The following TOP1 variants were observed in gnomAD, a reference collection of about 807,000 sequenced individuals.
TOP1 encodes DNA topoisomerase 1.
Under a neutral mutation model 111.1 loss-of-function variants are expected in TOP1, and 10 were observed. The observed-to-expected ratio is 0.09, with a 90% CI of 0.06 to 0.15. The LOEUF is 0.15. Among genes scored for constraint, TOP1 ranks in the 10% least tolerant of loss-of-function variants. The probability of loss-of-function intolerance (pLI) is 1.00; values close to 1 mark genes in which losing one functional copy is unlikely to be tolerated. For missense variants in TOP1, 474 were observed against 926.7 expected (o/e 0.51, Z 6.34); for synonymous variants, 271 against 302.9 (o/e 0.89, Z 1.10).
At chr20:41,117,705 G>A (rs377315814) in intron 17 of TOP1, among the ~76,000 whole-genome samples, 4 of 152,102 alleles carry the variant, frequency 2.6e-5, no homozygotes, top group African/African-American at 7.2e-5. Flanking sequence ...AACTTTTAAC[G>A]TCCCTTCAAT....
intron 11 of TOP1, among the ~76,000 whole-genome samples, chr20:41,099,213 T>A (rs1386969881): frequency 6.6e-6 from 1 of 152,252 alleles, no homozygotes; most frequent in Non-Finnish European, 1.5e-5. Flanking sequence ...TAAAAATTAA[T>A]GCATTACTAT....
chr20:41,121,698 T>C lies in TOP1; in HGVS notation c.1953T>C (p.Ile651=). The change falls in exon 19 of 21, where the codon ATT becomes ATC. Residue 651 remains isoleucine, a splice_region_variant and synonymous_variant. Transcript: ENST00000361337. The surrounding 1 kb of genome is among the most constrained non-coding windows in gnomAD (Gnocchi z 4.2). Reference sequence around the variant, plus strand: ...CTTACCACTATTATTTCCCCTAGATTGATGCCAAGAAGGAACAGCTAGCAG... The same window carrying C: ...CTTACCACTATTATTTCCCCTAGATCGATGCCAAGAAGGAACAGCTAGCAG... The part of the protein sequence containing the change: ...EKSMMNLQTK[I]DAKKEQLADA... 1 of 1,613,772 alleles carries C rather than the reference T, an allele frequency of 6.2e-7. No homozygotes were observed. The highest frequency in any genetic ancestry group is 8.5e-7 in the Non-Finnish European group (1 of 1,179,684).
Position 41,116,237 on chromosome 20 carries a change from A to T in TOP1, c.1708-41A>T. ...CCTAGGGCTGCCAGAAGGAGCAGGTAGTATAGCTTTGACCTAAATCTGTTG... is the reference window on the plus strand; with the variant it reads ...CCTAGGGCTGCCAGAAGGAGCAGGTTGTATAGCTTTGACCTAAATCTGTTG... On this transcript the variant is annotated intron_variant, in intron 16 of 20. Coordinates refer to ENST00000361337, the MANE Select transcript of TOP1 (RefSeq NM_003286.4). The surrounding 1 kb of genome is among the most constrained non-coding windows in gnomAD (Gnocchi z 5.6). 7.5e-7 allele frequency: 1 copy of T among 1,331,226 alleles called. No individual in the cohort carries two copies. Among genetic ancestry groups the T allele is most frequent in the Non-Finnish European group, 1.1e-6 (1 of 925,074 alleles). 82.5% of individuals were successfully genotyped at this position (1,331,226 alleles called of 1,614,324 possible). A position where few individuals can be genotyped will look rare whatever the true frequency, so the allele number is the denominator to read the frequency against.
At chr20:41,111,331 T>G (rs971654593) in intron 13 of TOP1, among the ~76,000 whole-genome samples, 1 of 152,188 alleles carries the variant, frequency 6.6e-6, no homozygotes, top group African/African-American at 2.4e-5. Flanking sequence ...AATGTCAAAA[T>G]GTACTAAGAC....
intron 8 of TOP1, among the ~76,000 whole-genome samples, chr20:41,089,374 A>G (rs1241171798): frequency 6.6e-6 from 1 of 152,096 alleles, no homozygotes; most frequent in African/African-American, 2.4e-5. Flanking sequence ...GTCTCTATGA[A>G]TTTGACTACT....
rs1012754637 is a variant in TOP1, at chr20:41,083,335, G to A, written c.508-1127G>A. Among the ~76,000 whole-genome samples the A allele has an allele frequency of 2.6e-5, 4 of 152,010 alleles. No homozygotes were observed. The highest frequency in any genetic ancestry group is 6.6e-5 in the Admixed American group (1 of 15,264). On this transcript the variant is annotated intron_variant, in intron 7 of 20. Transcript: ENST00000361337. This position sits in a 1 kb window ranked among gnomAD's most constrained non-coding sequence, Gnocchi z 7.2. ...ACATACCCACATATTTATATTCTCC[G>A]TGCCTGTTTTAAAATATGGATGGTA...
At chr20:41,093,996 T>TGA (rs1243961376) in intron 9 of TOP1, among the ~76,000 whole-genome samples, 2 of 152,156 alleles carry the variant, frequency 1.3e-5, no homozygotes, top group Non-Finnish European at 2.9e-5. Flanking sequence ...GAGATTGCAG[T>TGA]GAGCCTAGAT....
At chr20:41,076,317 A>C in intron 4 of TOP1, 23 bp downstream of exon 4, 1 of 1,590,992 alleles carries the variant, frequency 6.3e-7, no homozygotes, top group South Asian at 1.2e-5. Flanking sequence ...CTAGTAGGGG[A>C]GGAAGGAACG....
chr20:41,047,514 C>G (rs2122604759), intron 2 of TOP1, among the ~76,000 whole-genome samples: 1 of 152,276 alleles, frequency 6.6e-6, no homozygotes. Context: ...TGACACATTT[C>G]TCAGAATGTA....
In TOP1 at chr20:41,114,070, T is replaced by C. The variant is rs1359093315; in HGVS notation, c.1553T>C (p.Leu518Ser). The change falls in exon 15 of 21, where the codon TTG (leucine) becomes TCG (serine). Residue 518 changes from leucine to serine, a missense_variant. Coordinates refer to ENST00000361337, the MANE Select transcript of TOP1 (RefSeq NM_003286.4). The surrounding 1 kb of genome is among the most constrained non-coding windows in gnomAD (Gnocchi z 4.5). Reference protein sequence around the residue: ...RVEHINLHPELDGQEYVVEFD... With the variant: ...RVEHINLHPESDGQEYVVEFD... ...GAGCACATCAATCTACACCCAGAGT[T>C]GGATGGTCAGGAATATGTGGTAGAG... The C allele has an allele frequency of 1.2e-6, 2 of 1,614,016 alleles. No homozygotes were observed. The highest frequency in any genetic ancestry group is 2.7e-5 in the African/African-American group (2 of 74,916).
chr20:41,086,166 G>A (rs554418777), intron 8 of TOP1, among the ~76,000 whole-genome samples: 1 of 152,112 alleles, frequency 6.6e-6, no homozygotes, highest in South Asian at 2.1e-4. Context: ...GGGAAGTTGA[G>A]GCAGGAGAAT....
chr20:41,070,913 T>C (rs947975948), intron 3 of TOP1, among the ~76,000 whole-genome samples: 1 of 152,246 alleles, frequency 6.6e-6, no homozygotes, highest in African/African-American at 2.4e-5. Context: ...TTAACTTGTC[T>C]GTGCTTCAGT....
rs2034462965 is a variant in TOP1 at position 41,124,380 on chromosome 20, C to T, written c.*1083C>T. The T allele has an allele frequency of 1.7e-5, 4 of 233,250 alleles. No homozygotes were observed. The South Asian group carries it at 7.2e-4, about 42-fold the overall frequency. 14.4% of individuals were successfully genotyped at this position (233,250 alleles called of 1,614,324 possible). A position where few individuals can be genotyped will look rare whatever the true frequency, so the allele number is the denominator to read the frequency against. ...AGGCATTGTTAGTTTAGTGTGTGTGCAGAGTCCATTTCCCACATCTTTCCT... is the reference window on the plus strand; with the variant it reads ...AGGCATTGTTAGTTTAGTGTGTGTGTAGAGTCCATTTCCCACATCTTTCCT... On this transcript the variant is annotated 3_prime_UTR_variant, in exon 21 of 21. Coordinates refer to ENST00000361337, the MANE Select transcript of TOP1 (RefSeq NM_003286.4). This position sits in a 1 kb window ranked among gnomAD's most constrained non-coding sequence, Gnocchi z 5.4.
intron 17 of TOP1, among the ~76,000 whole-genome samples, chr20:41,117,575 A>G (rs937310000): frequency 2.6e-5 from 4 of 151,224 alleles, no homozygotes; most frequent in Admixed American, 6.6e-5. Context: ...TTTAGTAGAG[A>G]CAGGGTTCAC....
chr20:41,033,483 A>G (rs1190819949), intron 2 of TOP1, among the ~76,000 whole-genome samples: 2 of 152,018 alleles, frequency 1.3e-5, no homozygotes, highest in East Asian at 3.9e-4. Flanking sequence ...TAAAGTTTAT[A>G]TTCCAAAATT....
intron 2 of TOP1, among the ~76,000 whole-genome samples, chr20:41,047,620 A>G (rs1360898932): frequency 6.6e-6 from 1 of 152,220 alleles, no homozygotes; most frequent in African/African-American, 2.4e-5. Context: ...AGTTCACTAG[A>G]ATGTGGCCAT....
chr20:41,065,303 A>G (rs1018278767), intron 3 of TOP1, among the ~76,000 whole-genome samples: 1 of 152,240 alleles, frequency 6.6e-6, no homozygotes. Context: ...TGGATGATCT[A>G]TGGGTACATT....
At chr20:41,084,265 G>A (rs2033821359) in intron 7 of TOP1, among the ~76,000 whole-genome samples, 197 bp from the exon 8 acceptor site, 1 of 152,014 alleles carries the variant, frequency 6.6e-6, no homozygotes, top group Non-Finnish European at 1.5e-5. Flanking sequence ...TTGTTTGTCA[G>A]GAAATTTTAG....
At chr20:41,077,872 G>T (rs2033747045) in intron 5 of TOP1, among the ~76,000 whole-genome samples, 1 of 151,578 alleles carries the variant, frequency 6.6e-6, no homozygotes, top group Admixed American at 6.6e-5. Flanking sequence ...AGAGAAGGTT[G>T]ACAGGAGAGA....
Sources: allele counts gnomAD v4.1 joint callset (sites outside exome capture counted in the v4.1 genomes callset), GRCh38; gene constraint gnomAD v4.1.1; non-coding constraint Gnocchi (gnomAD v3.1); transcripts MANE v1.5; gene names NCBI Gene and HGNC (gene_info 2026-07-23, HGNC 2026-07-21).